CPXM2: variants seen among roughly 807,000 people sequenced by gnomAD.
CPXM2 encodes the protein inactive carboxypeptidase-like protein X2.
CPXM2 carries 66 observed loss-of-function variants against 86.1 expected under a neutral mutation model. The ratio of observed to expected loss-of-function variants is 0.77; its 90% CI spans 0.63 to 0.94. The LOEUF (loss-of-function observed/expected upper bound fraction) is 0.94. Ranked by LOEUF, CPXM2 falls within the 40% of genes least tolerant of loss-of-function variation. CPXM2 has a pLI of 0.00. For missense variants in CPXM2, 948 were observed against 1,026.3 expected, an observed-to-expected ratio of 0.92 and a Z score of 1.04; for synonymous variants, 388 against 400.2, an observed-to-expected ratio of 0.97 and a Z score of 0.36.
rs370540883 is a variant in CPXM2 at position 123,797,968 on chromosome 10, G to T, written c.889+8C>A. ...CACCCTGCAGGAAGCACAGGAGGGT[G>T]AACTCACCTGGCAGTGGGCAGCCCA... On this transcript the variant is annotated splice_region_variant and intron_variant, in intron 6 of 13. Transcript: ENST00000241305. 3 of 1,592,208 alleles carry T rather than the reference G, an allele frequency of 1.9e-6. No homozygotes were observed. The highest frequency in any genetic ancestry group is 2.6e-6 in the Non-Finnish European group (3 of 1,169,782).
rs1846352852 is a variant in CPXM2, at chr10:123,761,965, T to C, written c.1684A>G (p.Met562Val). The change falls in exon 11 of 14, where the codon ATG becomes GTG. Residue 562 changes from methionine to valine, a missense_variant. Met to Val is a conservative substitution (Grantham distance 21). Coordinates refer to ENST00000241305, the MANE Select transcript of CPXM2 (RefSeq NM_198148.3). ...CACACCCTCCTCCGGGCGTCTGTCA[T>C]GAGGCGGTGTGTGGAGGCATAGGAG... The part of the protein sequence containing the change: ...AYSYASTHRL[M>V]TDARRRVCHT... 6.2e-7 allele frequency: 1 copy of C among 1,613,618 alleles called. No homozygotes were observed. The highest frequency in any genetic ancestry group is 1.3e-5 in the African/African-American group (1 of 74,858).
intron 10 of CPXM2, among the ~76,000 whole-genome samples, chr10:123,762,655 A>G (rs1846373460): frequency 6.6e-6 from 1 of 152,198 alleles, no homozygotes; most frequent in Non-Finnish European, 1.5e-5. Flanking sequence ...AGATGGGTCC[A>G]TGGCGATCCT....
chr10:123,767,294 A>C, intron 9 of CPXM2, 142 bp from the exon 10 acceptor site: 3 of 695,170 alleles, frequency 4.3e-6, no homozygotes, highest in Non-Finnish European at 7.1e-6. Context: ...GATGGCATCT[A>C]AAGGAGAATA....
rs766664971 is a variant in CPXM2, at chr10:123,891,565, T to A, written c.95A>T (p.Asp32Val). ...GVGAQGAALE[D>V]PDYYGQEIWS... ...GATCTCCTGCCCGTAATAATCAGGG[T>A]CCTCGAGGGCTGCGCCCTGGGCTCC... The change falls in exon 1 of 14, where the codon GAC (aspartate) becomes GTC (valine). Residue 32 changes from aspartate (D) to valine (V), a missense_variant. Asp to Val is a radical substitution (Grantham distance 152). Transcript: ENST00000241305. The surrounding 1 kb of genome is among the most constrained non-coding windows in gnomAD (Gnocchi z 5.6). 4 of 1,545,932 alleles carry A rather than the reference T, an allele frequency of 2.6e-6. No homozygotes were observed. The highest frequency in any genetic ancestry group is 3.5e-6 in the Non-Finnish European group (4 of 1,144,526).
intron 4 of CPXM2, among the ~76,000 whole-genome samples, chr10:123,816,613 T>C (rs1373045973): frequency 6.6e-6 from 1 of 152,202 alleles, no homozygotes; most frequent in African/African-American, 2.4e-5. Context: ...CCAGATGTGG[T>C]TTCATTCCTT....
intron 3 of CPXM2, 63 bp from the exon 4 acceptor site, chr10:123,842,551 C>T: frequency 6.5e-7 from 1 of 1,538,964 alleles, no homozygotes. Flanking sequence ...TAAGACATAT[C>T]TTTTCCTGAG....
At chr10:123,848,951 G>A (rs902935790) in intron 3 of CPXM2, among the ~76,000 whole-genome samples, 1 of 152,190 alleles carries the variant, frequency 6.6e-6, no homozygotes, top group Non-Finnish European at 1.5e-5. Context: ...GTCAATACAT[G>A]GAAGCCACTG....
intron 8 of CPXM2, among the ~76,000 whole-genome samples, chr10:123,768,960 A>G (rs1219723): frequency 0.33 from 49,938 of 152,138 alleles, 9,160 homozygotes; most frequent in East Asian, 0.63. Context: ...ACAGGGGAAT[A>G]ATGTCCATTT....
In CPXM2 at chr10:123,929,808, G is replaced by A. The variant is rs148513313; in HGVS notation, n.174+9669C>T. Among the ~76,000 whole-genome samples the A allele has an allele frequency of 3.2e-3, 485 of 152,220 alleles. 2 individuals are homozygous for A. Among genetic ancestry groups the A allele is most frequent in the African/African-American group, 5.8e-3 (239 of 41,540 alleles). ...GTGCACCCACACAGATACACAGCCCGCCCCTGCCAGCTCTGGATCCCTGCC... is the reference window on the plus strand; with the variant it reads ...GTGCACCCACACAGATACACAGCCCACCCCTGCCAGCTCTGGATCCCTGCC... On this transcript the variant is annotated intron_variant and non_coding_transcript_variant, in intron 2 of 19. Coordinates refer to the CPXM2 transcript ENST00000368854.
At chr10:123,842,165 G>A (rs7923509) in intron 4 of CPXM2, among the ~76,000 whole-genome samples, 184 bp downstream of exon 4, 45,783 of 152,096 alleles carry the variant, frequency 0.3, 7,433 homozygotes, top group Middle Eastern at 0.42. Flanking sequence ...GTTCTGAAAC[G>A]CACCATCCCC....
intron 12 of CPXM2, among the ~76,000 whole-genome samples, chr10:123,756,944 A>G (rs1451831535): frequency 6.6e-6 from 1 of 152,196 alleles, no homozygotes; most frequent in Non-Finnish European, 1.5e-5. Flanking sequence ...GCTCAAACAC[A>G]TAGCACCTGT....
rs565212750 is a variant in CPXM2, at chr10:123,838,064, T to C, written c.653+4285A>G. ...GGGCCATTTCTTGCTCACTTTTATA[T>C]CCCTAGTGCTTATTGTAGAGTGCTT... On this transcript the variant is annotated intron_variant, in intron 4 of 13. Coordinates refer to ENST00000241305, the MANE Select transcript of CPXM2 (RefSeq NM_198148.3). 1.8e-3 allele frequency among the ~76,000 whole-genome samples: 268 copies of C among 152,320 alleles called. 1 individual carries two copies. The highest frequency in any genetic ancestry group is 6.0e-3 in the African/African-American group (250 of 41,554).
chr10:123,820,604 G>C (rs907489157), intron 4 of CPXM2, among the ~76,000 whole-genome samples: 1 of 152,224 alleles, frequency 6.6e-6, no homozygotes, highest in Non-Finnish European at 1.5e-5. Context: ...CAGTGCTGCA[G>C]GCTAGAATCT....
At position 123,754,200 on chromosome 10, in the gene CPXM2, C is replaced by T. The variant is rs759001404; in HGVS notation, c.2017+463G>A. On this transcript the variant is annotated intron_variant, in intron 13 of 13. Transcript: ENST00000241305. This position sits in a 1 kb window ranked among gnomAD's most constrained non-coding sequence, Gnocchi z 4.0. ...GTCCCAACCCACCCCTCCAGCTGTC[C>T]TCTTGCTGCTGGTCCCTTCAAACTC... is the stretch of plus-strand genomic sequence containing the variant. Among the ~76,000 whole-genome samples, 17 of 152,312 alleles carry T rather than the reference C, an allele frequency of 1.1e-4. No homozygotes were observed. Among genetic ancestry groups the T allele is most frequent in the Non-Finnish European group, 2.2e-4 (15 of 68,024 alleles).
chr10:123,878,984 CCA>C (rs1590093402), intron 2 of CPXM2, among the ~76,000 whole-genome samples: 1 of 152,150 alleles, frequency 6.6e-6, no homozygotes, highest in South Asian at 2.1e-4. Flanking sequence ...AGAAACACAG[CCA>C]CAGTGTGCAC....
rs1307570894 is a variant in CPXM2, at chr10:123,862,684, T to A, written c.443A>T (p.Asp148Val). The A allele has an allele frequency of 6.2e-7, 1 of 1,613,734 alleles. No homozygotes were observed. Among genetic ancestry groups the A allele is most frequent in the Admixed American group, 1.7e-5 (1 of 59,982 alleles). The change falls in exon 3 of 14, where the codon GAC becomes GTC. Residue 148 changes from aspartate (D) to valine (V), a missense_variant. Transcript: ENST00000241305. ...CACCGTGGAGGCATGGAGCTGGAAG[T>A]CTGTGATTTTTAAGGTTTCCAGACC... ...PLGLETLKIT[D>V]FQLHASTVKR...
rs553505928 is a variant in CPXM2, at chr10:123,824,751, C to T, written c.653+17598G>A. 2.6e-5 allele frequency among the ~76,000 whole-genome samples: 4 copies of T among 152,322 alleles called. No individual in the cohort carries two copies. The South Asian group carries it at 8.3e-4, about 32-fold the overall frequency. On this transcript the variant is annotated intron_variant, in intron 4 of 13. Coordinates refer to ENST00000241305, the MANE Select transcript of CPXM2 (RefSeq NM_198148.3). Reference sequence around the variant, plus strand: ...GTAGCAATAAGTTGATAAATCCTAACTTCAAGGGATGTGGTAGGGAACACA... The same window carrying T: ...GTAGCAATAAGTTGATAAATCCTAATTTCAAGGGATGTGGTAGGGAACACA...
chr10:123,755,549 TAA>T (rs1369394360), intron 12 of CPXM2, among the ~76,000 whole-genome samples: 1 of 152,218 alleles, frequency 6.6e-6, no homozygotes, highest in Non-Finnish European at 1.5e-5. Flanking sequence ...ACACATTTAC[TAA>T]AAACTGAAAT....
chr10:123,819,101 T>A (rs1847873468), intron 4 of CPXM2, among the ~76,000 whole-genome samples: 1 of 152,004 alleles, frequency 6.6e-6, no homozygotes. Context: ...CTCCTACCTT[T>A]AAGTCAACAG....
Sources: gnomAD v4.1 joint callset for allele counts (sites outside exome capture counted in the v4.1 genomes callset) on GRCh38, gnomAD v4.1.1 for gene constraint, Gnocchi (gnomAD v3.1) non-coding constraint, MANE v1.5 for transcripts, NCBI Gene and HGNC (gene_info 2026-07-23, HGNC 2026-07-21) for gene names.